The following TEX15 variants were observed in gnomAD, a reference collection of about 807,000 sequenced individuals.
The protein encoded by TEX15 is testis-expressed protein 15.
A neutral mutation model predicts 237.3 loss-of-function variants in TEX15; 171 were observed. The ratio of observed to expected loss-of-function variants is 0.72; its 90% CI spans 0.64 to 0.82. The LOEUF (loss-of-function observed/expected upper bound fraction) is 0.82. Among genes scored for constraint, TEX15 ranks in the 40% least tolerant of loss-of-function variants. The pLI, the probability that TEX15 is intolerant of heterozygous loss-of-function variation, is 0.00. For synonymous variants in TEX15, 1,338 were observed against 1,269.8 expected (o/e 1.05, Z -1.14); for missense variants, 3,750 against 3,646.5 (o/e 1.03, Z -0.73).
chr8:30,850,123 G>A (rs987387806), intron 7 of TEX15, among the ~76,000 whole-genome samples: 1 of 152,018 alleles, frequency 6.6e-6, no homozygotes, highest in African/African-American at 2.4e-5. Context: ...TGGAAAAACA[G>A]GGAAAGGAAA....
At chr8:30,883,499 T>C (rs572861489) in intron 3 of TEX15, among the ~76,000 whole-genome samples, 71 of 152,224 alleles carry the variant, frequency 4.7e-4, no homozygotes, top group Admixed American at 2.9e-3. Context: ...CTAAGTTCCC[T>C]TCCCTTGACC....
chr8:30,898,446 ACCTT>A (rs1408320205), intron 2 of TEX15, among the ~76,000 whole-genome samples: 1 of 152,174 alleles, frequency 6.6e-6, no homozygotes, highest in Non-Finnish European at 1.5e-5. Flanking sequence ...ATCTGCCAGC[ACCTT>A]GATCTTGGAC....
At chr8:30,863,173 C>T (rs1808087569) in intron 5 of TEX15, among the ~76,000 whole-genome samples, 1 of 152,184 alleles carries the variant, frequency 6.6e-6, no homozygotes, top group African/African-American at 2.4e-5. Context: ...TTGTATTATA[C>T]TTACCAGTTG....
In TEX15 at chr8:30,845,029, T is replaced by C; in HGVS notation, c.5138A>G (p.Lys1713Arg). 6.2e-7 allele frequency: 1 copy of C among 1,613,634 alleles called. No homozygotes were observed. Among genetic ancestry groups the C allele is most frequent in the Non-Finnish European group, 8.5e-7 (1 of 1,179,570 alleles). ...GPLNLTLIAS[K>R]KYSIPQLSAA... is the part of the protein sequence containing the mutation. ...TGATAACTGAGGAATACTGTACTTT[T>C]TACTTGCTATCAAAGTTAGGTTTAA... The change falls in exon 8 of 11, where the codon AAA (lysine) becomes AGA (arginine). Residue 1713 changes from lysine (K) to arginine (R), a missense_variant. Transcript: ENST00000643185.
intron 10 of TEX15, 50 bp from the exon 11 acceptor site, chr8:30,833,373 G>A (rs1400947871): frequency 2.9e-6 from 4 of 1,363,112 alleles, no homozygotes; most frequent in Non-Finnish European, 4.1e-6. Context: ...TAGACTAATG[G>A]TACATGATAC....
Position 30,842,288 on chromosome 8 carries a change from TA to T in TEX15, c.7878del (p.Cys2626Ter). On this transcript the variant is annotated frameshift_variant, in exon 8 of 11. Transcript: ENST00000643185. LOFTEE classifies it high-confidence loss of function. ...GAAATGGTTAGTTCAGCATTTTTAG[TA>T]CATATCATCTTCATATGTTCAATCG... ...MKTIEHMKMICTKNAELTISF... is the reference protein window; with the variant it reads ...MKTIEHMKMIXTKNAELTISF... The T allele has an allele frequency of 6.2e-7, 1 of 1,613,836 alleles. No individual in the cohort carries two copies.
At chr8:30,896,475 A>G (rs1031735530) in intron 2 of TEX15, among the ~76,000 whole-genome samples, 1 of 152,094 alleles carries the variant, frequency 6.6e-6, no homozygotes, top group Non-Finnish European at 1.5e-5. Flanking sequence ...TGTGATCCAG[A>G]GACAAAGGCT....
chr8:30,850,815 T>C (rs1199034687), intron 7 of TEX15, among the ~76,000 whole-genome samples: 2 of 152,128 alleles, frequency 1.3e-5, no homozygotes, highest in Non-Finnish European at 2.9e-5. Context: ...TGATGTCAAT[T>C]ACATATAAAT....
At chr8:30,841,365 A>G (rs1187609069) in intron 8 of TEX15, among the ~76,000 whole-genome samples, 1 of 152,098 alleles carries the variant, frequency 6.6e-6, no homozygotes, top group Admixed American at 6.6e-5. Context: ...CCCATTTACT[A>G]AATTCTGTGA....
At chr8:30,909,473 C>G (rs776509665) in intron 1 of TEX15, among the ~76,000 whole-genome samples, 30 of 141,430 alleles carry the variant, frequency 2.1e-4, no homozygotes, top group Admixed American at 4.5e-4. Context: ...AAAGGCTTTG[C>G]ATTATGTGGA....
rs1001027505 is a variant in TEX15, at chr8:30,837,735, C to T, written c.8549G>A (p.Gly2850Asp). 1.7e-5 allele frequency: 28 copies of T among 1,614,070 alleles called. No individual in the cohort carries two copies. In the East Asian group the frequency reaches 6.2e-4, roughly 36 times the overall value. ...FAICDQKSVH[G>D]TFSPDHGTLL... The stretch of plus-strand genomic sequence containing the variant: ...CGTCCCATGGTCTGGTGAAAATGTG[C>T]CATGTACACTTTTTTGGTCACAAAT... The change falls in exon 10 of 11, where the codon GGC (glycine) becomes GAC (aspartate). Residue 2850 changes from glycine (G) to aspartate (D), a missense_variant. Coordinates refer to ENST00000643185, the MANE Select transcript of TEX15 (RefSeq NM_001350162.2).
chr8:30,910,342 T>C (rs2128780621), intron 1 of TEX15, among the ~76,000 whole-genome samples: 1 of 152,270 alleles, frequency 6.6e-6, no homozygotes, highest in East Asian at 1.9e-4. Context: ...AAATTATCAC[T>C]AGCTGCTAGG....
chr8:30,876,381 T>C (rs1808400644), intron 3 of TEX15, among the ~76,000 whole-genome samples: 1 of 152,212 alleles, frequency 6.6e-6, no homozygotes, highest in Non-Finnish European at 1.5e-5. Flanking sequence ...GGGTTTAACA[T>C]TTTCCTGACT....
rs1182148110 is a variant in TEX15, at chr8:30,842,636, T to C, written c.7531A>G (p.Ile2511Val). 6 of 1,611,930 alleles carry C rather than the reference T, an allele frequency of 3.7e-6. No individual in the cohort carries two copies. In the East Asian group the frequency reaches 1.1e-4, roughly 30 times the overall value. ...TTAAGTTCGGAAACAGCAGTCTCTA[T>C]CACTTTCCAAAGGCAAACATCTGTT... ...NSTDVCLWKV[I>V]ETAVSELKKD... Residue 2511 changes from isoleucine (I) to valine (V), a missense_variant, in exon 8 of 11, where the codon ATA becomes GTA. By Grantham distance (29) the Ile-to-Val change is conservative (BLOSUM62 3). Coordinates refer to ENST00000643185, the MANE Select transcript of TEX15 (RefSeq NM_001350162.2).
chr8:30,858,079 G>A (rs1807948715), intron 7 of TEX15, among the ~76,000 whole-genome samples: 1 of 151,852 alleles, frequency 6.6e-6, no homozygotes, highest in Non-Finnish European at 1.5e-5. Context: ...GAAGAAGACT[G>A]GAAAGTGCCC....
Position 30,837,742 on chromosome 8 carries a change from C to G in TEX15, c.8542G>C (p.Val2848Leu), listed in dbSNP as rs1268699784. Residue 2848 changes from valine (V) to leucine (L), a missense_variant, in exon 10 of 11, where the codon GTA becomes CTA. Coordinates refer to ENST00000643185, the MANE Select transcript of TEX15 (RefSeq NM_001350162.2). Reference sequence around the variant, plus strand: ...TGGTCTGGTGAAAATGTGCCATGTACACTTTTTTGGTCACAAATTGCAAAA... The same window carrying G: ...TGGTCTGGTGAAAATGTGCCATGTAGACTTTTTTGGTCACAAATTGCAAAA... Reference protein sequence around the residue: ...AAFAICDQKSVHGTFSPDHGT... With the variant: ...AAFAICDQKSLHGTFSPDHGT... 5.0e-6 allele frequency: 8 copies of G among 1,614,118 alleles called. No individual in the cohort carries two copies. The highest frequency in any genetic ancestry group is 6.8e-6 in the Non-Finnish European group (8 of 1,179,998).
intron 7 of TEX15, among the ~76,000 whole-genome samples, chr8:30,856,924 G>A (rs1276664455): frequency 6.6e-6 from 1 of 152,076 alleles, no homozygotes; most frequent in Non-Finnish European, 1.5e-5. Context: ...TTGATAAGCT[G>A]ATTCTAAAAT....
chr8:30,900,298 G>T lies in TEX15; in HGVS notation c.-85-1481C>A, dbSNP rs566892657. Among the ~76,000 whole-genome samples, 6 of 152,210 alleles carry T rather than the reference G, an allele frequency of 3.9e-5. No homozygotes were observed. The East Asian group carries it at 1.2e-3, about 29-fold the overall frequency. On this transcript the variant is annotated intron_variant, in intron 1 of 10. Coordinates refer to ENST00000643185, the MANE Select transcript of TEX15 (RefSeq NM_001350162.2). ...ACAAATATAACCATGCAATATCAGG[G>T]TAATTAAAATGAGAGACTGGCATAT... is the stretch of plus-strand genomic sequence containing the variant.
At chr8:30,901,784 T>G (rs1809010434) in intron 1 of TEX15, among the ~76,000 whole-genome samples, 1 of 152,166 alleles carries the variant, frequency 6.6e-6, no homozygotes, top group African/African-American at 2.4e-5. Context: ...CTGAAAAAAG[T>G]CTTATGTTGA....
Sources: allele counts gnomAD v4.1 joint callset (sites outside exome capture counted in the v4.1 genomes callset), GRCh38; gene constraint gnomAD v4.1.1; transcripts MANE v1.5; gene names NCBI Gene and HGNC (gene_info 2026-07-23, HGNC 2026-07-21).